The following GPSM2 variants were observed in gnomAD, a reference collection of about 807,000 sequenced individuals.
GPSM2 encodes the protein G protein signaling modulator 2.
A neutral mutation model predicts 78.4 loss-of-function variants in GPSM2; 58 were observed. That is an observed-to-expected ratio of 0.74 (90% CI 0.60 to 0.92). The LOEUF is 0.92. Among genes scored for constraint, GPSM2 ranks in the 40% least tolerant of loss-of-function variants. The probability of loss-of-function intolerance (pLI) is 0.00; values close to 1 mark genes in which losing one functional copy is unlikely to be tolerated. For synonymous variants in GPSM2, 224 were observed against 280.2 expected (o/e 0.80, Z 2.00); for missense variants, 700 against 815.5 (o/e 0.86, Z 1.73).
At chr1:108,916,078 C>CA (rs59651066) in intron 11 of GPSM2, among the ~76,000 whole-genome samples, 36,749 of 104,928 alleles carry the variant, frequency 0.35, 5,685 homozygotes, top group African/African-American at 0.44. Context: ...CCTGTCTATA[C>CA]AAAAAAAAAA....
rs773727753 is a variant in GPSM2 at position 108,904,106 on chromosome 1, A to G, written c.1063-19A>G. ...TTCTCTTTAAATACTACTCTAAAAT[A>G]TAAATGTTTGTGTTGTAGGTTGGGG... On this transcript the variant is annotated intron_variant, in intron 9 of 14. Coordinates refer to ENST00000264126, the MANE Select transcript of GPSM2 (RefSeq NM_013296.5). 16 of 1,558,584 alleles carry G rather than the reference A, an allele frequency of 1.0e-5. No homozygotes were observed. The African/African-American group carries it at 2.0e-4, about 20-fold the overall frequency.
At chr1:108,886,011 ATTCCC>A (rs913778655) in intron 2 of GPSM2, among the ~76,000 whole-genome samples, 1 of 151,438 alleles carries the variant, frequency 6.6e-6, no homozygotes, top group Admixed American at 6.6e-5. Context: ...TATTGTTTTG[ATTCCC>A]TTCTCATTTC....
intron 1 of GPSM2, among the ~76,000 whole-genome samples, chr1:108,881,049 A>AC (rs1665869996): frequency 6.6e-6 from 1 of 152,204 alleles, no homozygotes; most frequent in South Asian, 2.1e-4. Flanking sequence ...CTGGAAGTCC[A>AC]CCTAGCTGTC....
Position 108,897,010 on chromosome 1 carries a change from TG to T in GPSM2, c.206del (p.Gly69AlafsTer14), listed in dbSNP as rs1648418224. The part of the protein sequence containing the change: ...LKTLSAIYSQ[L>X]GNAYFYLHDY... ...ACACTTAGCGCTATTTACAGCCAGTTGGGCAATGCTTATTTCTATTTGCATG... is the reference window on the plus strand; with the variant it reads ...ACACTTAGCGCTATTTACAGCCAGTTGGCAATGCTTATTTCTATTTGCATG... On this transcript the variant is annotated frameshift_variant, in exon 3 of 15. Coordinates refer to ENST00000264126, the MANE Select transcript of GPSM2 (RefSeq NM_013296.5). LOFTEE classifies it high-confidence loss of function. 6.2e-7 allele frequency: 1 copy of T among 1,613,888 alleles called. No homozygotes were observed. The highest frequency in any genetic ancestry group is 1.7e-5 in the Admixed American group (1 of 60,006).
rs1209713238 is a variant in GPSM2, at chr1:108,930,876, G to A, written c.*936G>A. 6.9e-6 allele frequency: 1 copy of A among 144,594 alleles called. No homozygotes were observed. Among genetic ancestry groups the A allele is most frequent in the Non-Finnish European group, 1.5e-5 (1 of 67,844 alleles). The allele number at this position is 144,594 out of a possible 1,614,324, so 9.0% of individuals were successfully genotyped here. A position where few individuals can be genotyped will look rare whatever the true frequency, so the allele number is the denominator to read the frequency against. On this transcript the variant is annotated 3_prime_UTR_variant, in exon 15 of 15. Transcript: ENST00000264126. ...ACTGGACTCCAGCCTGAGTGACAGAGCAAGACTCTGTCTCAAAAAAAAAAA... is the reference window on the plus strand; with the variant it reads ...ACTGGACTCCAGCCTGAGTGACAGAACAAGACTCTGTCTCAAAAAAAAAAA...
intron 12 of GPSM2, 62 bp from the exon 13 acceptor site, chr1:108,922,355 T>C (rs562977441): frequency 6.6e-5 from 78 of 1,183,734 alleles, no homozygotes; most frequent in Admixed American, 4.1e-4. Context: ...ATGATGTTCA[T>C]TGATGATCTA....
In GPSM2 at chr1:108,879,705, C is replaced by T. The variant is rs577841384; in HGVS notation, c.-249+2477C>T. ...ATAGTTAGCCCAGTGTGGTGGCACA[C>T]GCCTGTAATCCAAGCTACTCAGGAG... On this transcript the variant is annotated intron_variant, in intron 1 of 14. Transcript: ENST00000264126. Among the ~76,000 whole-genome samples, 8 of 152,214 alleles carry T rather than the reference C, an allele frequency of 5.3e-5. No individual in the cohort carries two copies. In the East Asian group the frequency reaches 9.7e-4, roughly 18 times the overall value.
intron 12 of GPSM2, among the ~76,000 whole-genome samples, chr1:108,921,729 C>G (rs2101540049): frequency 6.6e-6 from 1 of 152,234 alleles, no homozygotes; most frequent in South Asian, 2.1e-4. Context: ...AATGCTTATT[C>G]ATTCTTAAGG....
chr1:108,904,310 G>A (rs949252401), intron 10 of GPSM2, 56 bp downstream of exon 10: 12 of 1,121,542 alleles, frequency 1.1e-5, no homozygotes, highest in Admixed American at 5.3e-5. Flanking sequence ...TTAGATTAAA[G>A]TTATTTATCA....
At chr1:108,921,867 AAAT>A (rs1312010314) in intron 12 of GPSM2, among the ~76,000 whole-genome samples, 1 of 152,176 alleles carries the variant, frequency 6.6e-6, no homozygotes, top group Non-Finnish European at 1.5e-5. Context: ...GAAAAAATTA[AAAT>A]AATTACTTGT....
At chr1:108,906,745 G>A (rs113118509) in intron 10 of GPSM2, among the ~76,000 whole-genome samples, 1 of 152,090 alleles carries the variant, frequency 6.6e-6, no homozygotes, top group Non-Finnish European at 1.5e-5. Flanking sequence ...AGGCACAGGG[G>A]CACAGACCTG....
Position 108,929,805 on chromosome 1 carries a change from A to G in GPSM2, c.1920A>G (p.Gly640=), listed in dbSNP as rs200841293. The change falls in exon 15 of 15, where the codon GGA becomes GGG. Residue 640 remains glycine (G), a synonymous_variant. Coordinates refer to ENST00000264126, the MANE Select transcript of GPSM2 (RefSeq NM_013296.5). ...DFFSLILRSQ[G]KRMDEQRVLL... ...TCAGCCTTATTTTACGGTCCCAGGG[A>G]AAGAGAATGGATGAACAGAGAGTTC... The G allele has an allele frequency of 1.9e-5, 30 of 1,614,150 alleles. No homozygotes were observed. The highest frequency in any genetic ancestry group is 2.4e-5 in the Non-Finnish European group (28 of 1,179,982).
intron 3 of GPSM2, among the ~76,000 whole-genome samples, 154 bp from the exon 4 acceptor site, chr1:108,897,338 A>T (rs948311998): frequency 6.6e-6 from 1 of 152,248 alleles, no homozygotes; most frequent in Non-Finnish European, 1.5e-5. Context: ...TTAAATATTT[A>T]TTTAAAGTAG....
At chr1:108,928,934 A>G (rs1651405500) in intron 14 of GPSM2, among the ~76,000 whole-genome samples, 1 of 151,188 alleles carries the variant, frequency 6.6e-6, no homozygotes, top group Non-Finnish European at 1.5e-5. Context: ...GGTTGCAGTG[A>G]GCCAGGATCA....
At position 108,931,261 on chromosome 1, in the gene GPSM2, A is replaced by AGAT. The variant is rs1397706536; in HGVS notation, c.*1323_*1325dup. On this transcript the variant is annotated 3_prime_UTR_variant, in exon 15 of 15. Coordinates refer to ENST00000264126, the MANE Select transcript of GPSM2 (RefSeq NM_013296.5). ...CTCACAAAAATTAAATATGAAAGAA[A>AGAT]GATGTCAGCTAGAACCTTAGTTGTC... 3.4e-6 allele frequency: 5 copies of AGAT among 1,452,360 alleles called. No homozygotes were observed. The South Asian group carries it at 5.7e-5, about 16-fold the overall frequency. 90.0% of individuals were successfully genotyped at this position (1,452,360 alleles called of 1,614,324 possible). A position where few individuals can be genotyped will look rare whatever the true frequency, so the allele number is the denominator to read the frequency against.
chr1:108,927,185 A>C (rs770386585), intron 14 of GPSM2, among the ~76,000 whole-genome samples: 5 of 152,246 alleles, frequency 3.3e-5, no homozygotes, highest in Non-Finnish European at 7.3e-5. Context: ...TTCATGGATT[A>C]GAAGACTTAA....
At chr1:108,901,014 T>TATA (rs1421817888) in intron 7 of GPSM2, among the ~76,000 whole-genome samples, 1 of 152,240 alleles carries the variant, frequency 6.6e-6, no homozygotes, top group Non-Finnish European at 1.5e-5. Context: ...CATTAACATT[T>TATA]ATACAGCAAC....
intron 14 of GPSM2, among the ~76,000 whole-genome samples, chr1:108,928,592 A>G (rs982368916): frequency 6.6e-6 from 1 of 152,224 alleles, no homozygotes; most frequent in African/African-American, 2.4e-5. Context: ...TCACACTTCT[A>G]TTCTTACTCT....
At chr1:108,889,247 C>G (rs1647790189) in intron 2 of GPSM2, among the ~76,000 whole-genome samples, 1 of 152,174 alleles carries the variant, frequency 6.6e-6, no homozygotes. Flanking sequence ...CTGATGTATC[C>G]ACCCTACTGC....
Sources: gnomAD v4.1 joint callset for allele counts (sites outside exome capture counted in the v4.1 genomes callset) on GRCh38, gnomAD v4.1.1 for gene constraint, MANE v1.5 for transcripts, NCBI Gene and HGNC (gene_info 2026-07-23, HGNC 2026-07-21) for gene names.